Variants in IGSF11 observed in about 807,000 individuals in gnomAD.
IGSF11 encodes the protein CXADR like 1.
IGSF11 carries 22 observed loss-of-function variants against 41.0 expected under a neutral mutation model. That is an observed-to-expected ratio of 0.54 (90% CI 0.38 to 0.77). The LOEUF (loss-of-function observed/expected upper bound fraction) is 0.77. IGSF11 is among the 30% of genes least tolerant of loss of function. IGSF11 has a pLI of 0.00. For synonymous variants in IGSF11, 219 were observed against 201.3 expected, an observed-to-expected ratio of 1.09 and a Z score of -0.74; for missense variants, 444 against 530.8, an observed-to-expected ratio of 0.84 and a Z score of 1.61.
intron 1 of IGSF11, among the ~76,000 whole-genome samples, chr3:119,052,212 G>A (rs999152911): frequency 6.6e-6 from 1 of 152,076 alleles, no homozygotes; most frequent in Non-Finnish European, 1.5e-5. Flanking sequence ...GGGTGCGGTG[G>A]CTCATGCCTA....
At chr3:118,974,273 C>T (rs571011175) in intron 1 of IGSF11, among the ~76,000 whole-genome samples, 8 of 152,016 alleles carry the variant, frequency 5.3e-5, no homozygotes, top group South Asian at 2.1e-4. Context: ...AAAAAAGAGA[C>T]GGGGATAGAG....
chr3:119,004,373 C>T (rs1198778136), intron 1 of IGSF11, among the ~76,000 whole-genome samples: 3 of 151,182 alleles, frequency 2.0e-5, no homozygotes, highest in Non-Finnish European at 3.0e-5. Flanking sequence ...ATTAGTCTTG[C>T]TAGCGGTCTA....
chr3:119,004,683 A>G (rs1295846790), intron 1 of IGSF11, among the ~76,000 whole-genome samples: 6 of 148,728 alleles, frequency 4.0e-5, no homozygotes, highest in Admixed American at 6.7e-5. Flanking sequence ...CGTTGGTTTC[A>G]AAGAACATCT....
intron 1 of IGSF11, among the ~76,000 whole-genome samples, chr3:119,136,940 A>G (rs2077571480): frequency 6.6e-6 from 1 of 152,196 alleles, no homozygotes; most frequent in Non-Finnish European, 1.5e-5. Flanking sequence ...GCCAACAGCA[A>G]GCAATCTGAA....
intron 4 of IGSF11, among the ~76,000 whole-genome samples, chr3:118,909,203 A>C (rs1051212171): frequency 6.6e-6 from 1 of 152,180 alleles, no homozygotes; most frequent in African/African-American, 2.4e-5. Context: ...AGAATTCTTA[A>C]ATCATAATTA....
At chr3:119,044,404 A>T (rs1941238134) in intron 1 of IGSF11, among the ~76,000 whole-genome samples, 1 of 151,970 alleles carries the variant, frequency 6.6e-6, no homozygotes, top group Non-Finnish European at 1.5e-5. Flanking sequence ...CCTCCAAGAA[A>T]TTTGGGATTA....
intron 1 of IGSF11, among the ~76,000 whole-genome samples, chr3:119,121,832 TACAAGGAA>T (rs2077337566): frequency 6.6e-6 from 1 of 151,974 alleles, no homozygotes; most frequent in Non-Finnish European, 1.5e-5. Context: ...ACCTACCATG[TACAAGGAA>T]TCCTCAACAA....
chr3:118,981,002 T>C (rs371301549), intron 1 of IGSF11, among the ~76,000 whole-genome samples: 8 of 152,208 alleles, frequency 5.3e-5, no homozygotes, highest in East Asian at 1.9e-4. Flanking sequence ...TTATGTGGTA[T>C]GTGAGGGAAG....
At chr3:118,920,246 A>G (rs541655668) in intron 4 of IGSF11, among the ~76,000 whole-genome samples, 28 of 143,286 alleles carry the variant, frequency 2.0e-4, no homozygotes, top group African/African-American at 6.2e-4. Context: ...TGTACCCTAA[A>G]ACTTAAAGTA....
intron 1 of IGSF11, among the ~76,000 whole-genome samples, chr3:119,060,270 T>A (rs1377541218): frequency 2.0e-5 from 3 of 152,210 alleles, no homozygotes; most frequent in Non-Finnish European, 4.4e-5. Flanking sequence ...TTGATTAACT[T>A]ATACTTCAAA....
intron 1 of IGSF11, among the ~76,000 whole-genome samples, chr3:118,942,334 A>G (rs1267655541): frequency 2.0e-5 from 3 of 152,160 alleles, no homozygotes; most frequent in African/African-American, 7.2e-5. Context: ...GCAACTACGA[A>G]TGATGTCCCA....
intron 1 of IGSF11, among the ~76,000 whole-genome samples, chr3:119,058,039 A>T (rs1369715557): frequency 6.6e-6 from 1 of 152,228 alleles, no homozygotes; most frequent in Admixed American, 6.5e-5. Context: ...AACCTAGGCA[A>T]TACCTTTCAG....
At chr3:119,115,318 C>A (rs1201849041) in intron 1 of IGSF11, among the ~76,000 whole-genome samples, 2 of 152,158 alleles carry the variant, frequency 1.3e-5, no homozygotes, top group African/African-American at 2.4e-5. Context: ...TTTTGAGGAA[C>A]CTCCAAACCT....
intron 1 of IGSF11, among the ~76,000 whole-genome samples, chr3:119,001,116 G>A (rs978474968): frequency 2.0e-5 from 3 of 151,902 alleles, no homozygotes; most frequent in Middle Eastern, 3.4e-3. Flanking sequence ...CTAGATGTCT[G>A]CATGGCTGCA....
chr3:119,056,396 C>T (rs1358938881), intron 1 of IGSF11, among the ~76,000 whole-genome samples: 1 of 152,194 alleles, frequency 6.6e-6, no homozygotes. Flanking sequence ...TTCCTCGACA[C>T]ATACACCCTC....
chr3:119,074,975 A>C (rs1012023410), intron 1 of IGSF11, among the ~76,000 whole-genome samples: 4 of 152,218 alleles, frequency 2.6e-5, no homozygotes, highest in African/African-American at 9.6e-5. Flanking sequence ...GAAAAGAAAT[A>C]ACCAAAATCA....
chr3:119,130,500 G>A (rs188585324), intron 1 of IGSF11, among the ~76,000 whole-genome samples: 89 of 152,340 alleles, frequency 5.8e-4, no homozygotes, highest in African/African-American at 2.0e-3. Flanking sequence ...CAGCCTGGCG[G>A]GGGGAGGGGC....
At chr3:119,107,557 A>G (rs1457321834), upstream of IGSF11, among the ~76,000 whole-genome samples, 4 of 152,006 alleles carry the variant, frequency 2.6e-5, no homozygotes, top group South Asian at 4.2e-4. Flanking sequence ...CTCTGATGGT[A>G]GTTTCTTTTG....
chr3:118,939,500 C>T (rs2107553704), intron 1 of IGSF11, among the ~76,000 whole-genome samples: 1 of 151,246 alleles, frequency 6.6e-6, no homozygotes, highest in Non-Finnish European at 1.5e-5. Context: ...TGCTTGAACC[C>T]AGGAGGCAAA....
Sources: gnomAD v4.1 joint callset for allele counts (sites outside exome capture counted in the v4.1 genomes callset) on GRCh38, gnomAD v4.1.1 for gene constraint, MANE v1.5 for transcripts, NCBI Gene and HGNC (gene_info 2026-07-23, HGNC 2026-07-21) for gene names.